The following ITSN1 variants were observed in gnomAD, a reference collection of about 807,000 sequenced individuals.
ITSN1 encodes the protein intersectin 1.
In ITSN1, 58 loss-of-function variants were observed where a neutral mutation model predicts 239.8. That is an observed-to-expected ratio of 0.24 (90% CI 0.20 to 0.30). The LOEUF (loss-of-function observed/expected upper bound fraction) is 0.30, where lower values mean the gene tolerates loss of function less well. Among genes scored for constraint, ITSN1 ranks in the 10% least tolerant of loss-of-function variants. ITSN1 has a pLI of 1.00. For synonymous variants in ITSN1, 780 were observed against 770.8 expected (o/e 1.01, Z -0.20); for missense variants, 1,558 against 2,103.3 (o/e 0.74, Z 5.07).
intron 5 of ITSN1, among the ~76,000 whole-genome samples, chr21:33,746,782 C>T (rs2067210135): frequency 6.6e-6 from 1 of 152,022 alleles, no homozygotes; most frequent in African/African-American, 2.4e-5. Context: ...GCAGAGGTTA[C>T]AGTGAGACGA....
rs1323862954 is a variant in ITSN1 at position 33,889,193 on chromosome 21, T to C, written c.*893T>C. 2 of 152,168 alleles carry C rather than the reference T, an allele frequency of 1.3e-5. No individual in the cohort carries two copies. The highest frequency in any genetic ancestry group is 4.8e-5 in the African/African-American group (2 of 41,430). 9.4% of individuals were successfully genotyped at this position (152,168 alleles called of 1,614,324 possible). ...TGTGATATTTCATAGCAGCAGTCGT[T>C]GCTGGTGACCTGTTCTGTGCTTGAA... On this transcript the variant is annotated 3_prime_UTR_variant, in exon 40 of 40. Coordinates refer to ENST00000381318, the MANE Select transcript of ITSN1 (RefSeq NM_003024.3).
chr21:33,697,216 CACG>C (rs1355307627), intron 1 of ITSN1, among the ~76,000 whole-genome samples: 4 of 148,650 alleles, frequency 2.7e-5, no homozygotes, highest in Non-Finnish European at 4.4e-5. Flanking sequence ...CCGAGGCATA[CACG>C]ACCACACCTG....
intron 24 of ITSN1, among the ~76,000 whole-genome samples, chr21:33,821,760 T>C (rs1292463211): frequency 1.3e-5 from 2 of 152,218 alleles, no homozygotes; most frequent in Non-Finnish European, 2.9e-5. Context: ...GAAAGTTACT[T>C]CAAAATTTGG....
chr21:33,689,852 C>G (rs2091423686), intron 1 of ITSN1, among the ~76,000 whole-genome samples: 1 of 151,766 alleles, frequency 6.6e-6, no homozygotes, highest in Non-Finnish European at 1.5e-5. Context: ...CCTGTAATCC[C>G]AGCTACTCAG....
intron 5 of ITSN1, among the ~76,000 whole-genome samples, chr21:33,744,499 C>G (rs2067064236): frequency 6.6e-6 from 1 of 152,158 alleles, no homozygotes; most frequent in Non-Finnish European, 1.5e-5. Context: ...ACTGAAAAGA[C>G]TAGATACAAT....
chr21:33,671,700 G>A (rs1177090651), intron 1 of ITSN1, among the ~76,000 whole-genome samples: 1 of 151,888 alleles, frequency 6.6e-6, no homozygotes, highest in East Asian at 2.0e-4. Context: ...TACTCAGGAG[G>A]CTGAGGCAGG....
intron 27 of ITSN1, among the ~76,000 whole-genome samples, chr21:33,832,138 G>C (rs555908715): frequency 1.7e-4 from 26 of 152,208 alleles, no homozygotes; most frequent in African/African-American, 5.8e-4. Flanking sequence ...CAGCCTCTTT[G>C]AAACACCAGC....
intron 29 of ITSN1, among the ~76,000 whole-genome samples, chr21:33,843,553 T>C (rs773797570): frequency 3.3e-5 from 5 of 152,232 alleles, no homozygotes; most frequent in Non-Finnish European, 7.3e-5. Flanking sequence ...CAGAAAAACA[T>C]GGTGCTGTAT....
At chr21:33,866,323 G>A (rs1981568323) in intron 32 of ITSN1, among the ~76,000 whole-genome samples, 1 of 152,242 alleles carries the variant, frequency 6.6e-6, no homozygotes, top group Non-Finnish European at 1.5e-5. Context: ...TGGGTGGATG[G>A]AGACGAGAGA....
At chr21:33,735,673 GAATAGAGA>G (rs1430355872) in intron 5 of ITSN1, 1 of 169,526 alleles carries the variant, frequency 5.9e-6, no homozygotes, top group Non-Finnish European at 1.2e-5. Flanking sequence ...GAACAAAATG[GAATAGAGA>G]AAAAATAAAC....
chr21:33,868,184 C>A (rs4642021), intron 33 of ITSN1, among the ~76,000 whole-genome samples: 6 of 151,922 alleles, frequency 3.9e-5, no homozygotes, highest in South Asian at 4.2e-4. Context: ...TGATTGGTGC[C>A]TTTACAATCC....
intron 1 of ITSN1, among the ~76,000 whole-genome samples, chr21:33,708,474 G>A (rs1385911982): frequency 6.6e-6 from 1 of 151,534 alleles, no homozygotes; most frequent in South Asian, 2.1e-4. Flanking sequence ...CAGCAACTTC[G>A]CCTCCCAGGT....
intron 34 of ITSN1, among the ~76,000 whole-genome samples, chr21:33,876,211 TC>T (rs1569333405): frequency 2.7e-5 from 2 of 74,312 alleles, no homozygotes. Flanking sequence ...TTCCTTCCTC[TC>T]TTCTTTTTCT....
chr21:33,748,483 A>G (rs777444370), intron 5 of ITSN1, among the ~76,000 whole-genome samples: 1 of 152,024 alleles, frequency 6.6e-6, no homozygotes, highest in African/African-American at 2.4e-5. Flanking sequence ...TTTAATTACT[A>G]TTATTATGTA....
chr21:33,708,151 G>C (rs1375873103), intron 1 of ITSN1, among the ~76,000 whole-genome samples: 2 of 151,962 alleles, frequency 1.3e-5, no homozygotes, highest in Non-Finnish European at 2.9e-5. Context: ...TCTTTTCATG[G>C]GTTTATTGCC....
In ITSN1 at chr21:33,893,080, G is replaced by A. The variant is rs743336; in HGVS notation, c.*4780G>A. On this transcript the variant is annotated 3_prime_UTR_variant, in exon 40 of 40. Coordinates refer to ENST00000381318, the MANE Select transcript of ITSN1 (RefSeq NM_003024.3). ...AGGAGAAGCAGTCTTAGGCCCGTTT[G>A]CATCCCCTGCCACTGCCATGTGCCT... is the stretch of plus-strand genomic sequence containing the variant. 41,347 of 152,066 alleles carry A rather than the reference G, an allele frequency of 0.27. 5,724 individuals carry two copies. Among genetic ancestry groups the A allele is most frequent in the East Asian group, 0.32 (1,642 of 5,142 alleles). The allele number at this position is 152,066 out of a possible 1,614,324, so 9.4% of individuals were successfully genotyped here. A position where few individuals can be genotyped will look rare whatever the true frequency, so the allele number is the denominator to read the frequency against.
chr21:33,768,096 T>C (rs936183396), intron 11 of ITSN1, among the ~76,000 whole-genome samples: 3 of 152,154 alleles, frequency 2.0e-5, no homozygotes, highest in Admixed American at 2.0e-4. Flanking sequence ...ACAAAAATTA[T>C]GTAAATGTTA....
At chr21:33,856,662 G>A (rs915922890) in intron 29 of ITSN1, 74 bp from the exon 30 acceptor site, 60 of 1,602,214 alleles carry the variant, frequency 3.7e-5, no homozygotes, top group East Asian at 2.2e-5. Flanking sequence ...CAGCAGCCAC[G>A]AGGATCTTCC....
Position 33,797,270 on chromosome 21 carries a change from T to C in ITSN1, c.1953-109T>C. 1 of 837,412 alleles carries C rather than the reference T, an allele frequency of 1.2e-6. No individual in the cohort carries two copies. The highest frequency in any genetic ancestry group is 2.0e-6 in the Non-Finnish European group (1 of 506,174). The allele number at this position is 837,412 out of a possible 1,614,324, so 51.9% of individuals were successfully genotyped here. A position where few individuals can be genotyped will look rare whatever the true frequency, so the allele number is the denominator to read the frequency against. ...GCCCCATCTGAACAACAATGTTCCC[T>C]TGATGTTCCCATCCCATTTACTGGA... On this transcript the variant is annotated intron_variant, in intron 17 of 39. Coordinates refer to ENST00000381318, the MANE Select transcript of ITSN1 (RefSeq NM_003024.3). The surrounding 1 kb of genome is among the most constrained non-coding windows in gnomAD (Gnocchi z 4.9).
Sources: allele counts gnomAD v4.1 joint callset (sites outside exome capture counted in the v4.1 genomes callset), GRCh38; gene constraint gnomAD v4.1.1; non-coding constraint Gnocchi (gnomAD v3.1); transcripts MANE v1.5; gene names NCBI Gene and HGNC (gene_info 2026-07-23, HGNC 2026-07-21).